The following CLMP variants were observed in gnomAD, a reference collection of about 807,000 sequenced individuals.
The protein encoded by CLMP is CXADR like cell adhesion molecule.
In CLMP, 27 loss-of-function variants were observed where a neutral mutation model predicts 45.2. The observed-to-expected ratio is 0.60, with a 90% CI of 0.44 to 0.82. The LOEUF (loss-of-function observed/expected upper bound fraction) is 0.82. Among genes scored for constraint, CLMP ranks in the 40% least tolerant of loss-of-function variants. CLMP has a pLI of 0.00. For synonymous variants in CLMP, 167 were observed against 171.4 expected, an observed-to-expected ratio of 0.97 and a Z score of 0.20; for missense variants, 403 against 448.4, an observed-to-expected ratio of 0.90 and a Z score of 0.91.
chr11:123,184,133 C>A (rs1861803429), intron 1 of CLMP, among the ~76,000 whole-genome samples: 1 of 152,184 alleles, frequency 6.6e-6, no homozygotes, highest in East Asian at 1.9e-4. Flanking sequence ...TTCGCTTTGT[C>A]GCCCAGGCTG....
chr11:123,134,433 TAAG>T (rs2135511265), intron 1 of CLMP, among the ~76,000 whole-genome samples: 1 of 152,202 alleles, frequency 6.6e-6, no homozygotes, highest in African/African-American at 2.4e-5. Flanking sequence ...AATAGCATAC[TAAG>T]AAGATTAAAA....
chr11:123,191,650 C>T (rs1861909571), intron 1 of CLMP: 2 of 152,212 alleles, frequency 1.3e-5, no homozygotes, highest in Admixed American at 6.5e-5. Flanking sequence ...GACAAGGAAG[C>T]TCAAAGCAAG....
Position 123,083,842 on chromosome 11 carries a change from G to T in CLMP, c.394C>A (p.Pro132Thr). 6.2e-7 allele frequency: 1 copy of T among 1,612,746 alleles called. No homozygotes were observed. Among genetic ancestry groups the T allele is most frequent in the East Asian group, 2.2e-5 (1 of 44,868 alleles). The change falls in exon 4 of 7, where the codon CCA becomes ACA. Residue 132 changes from proline (P) to threonine (T), a missense_variant. Physicochemically the swap from Pro to Thr is conservative, Grantham distance 38 (BLOSUM62 -1). Transcript: ENST00000448775. ...SHVILKVLVR[P>T]SKPKCELEGE... ...TCCAACTCACACTTGGGCTTGGATG[G>T]TCTCACTGGCAACAGCAACAACAAG...
At chr11:123,128,599 G>T (rs1292118878) in intron 1 of CLMP, among the ~76,000 whole-genome samples, 1 of 152,184 alleles carries the variant, frequency 6.6e-6, no homozygotes, top group African/African-American at 2.4e-5. Context: ...GGTAGAGGCT[G>T]CAGTGAGCTA....
At chr11:123,151,308 C>T (rs1014974417) in intron 1 of CLMP, among the ~76,000 whole-genome samples, 2 of 152,206 alleles carry the variant, frequency 1.3e-5, no homozygotes, top group Non-Finnish European at 2.9e-5. Flanking sequence ...ATGGCTGTCA[C>T]CTGAAGTGAC....
At chr11:123,167,716 C>T (rs1038186639) in intron 1 of CLMP, among the ~76,000 whole-genome samples, 36 of 152,296 alleles carry the variant, frequency 2.4e-4, no homozygotes, top group African/African-American at 7.9e-4. Context: ...GCTCTGAATA[C>T]GTCACCTCCT....
chr11:123,076,991 C>CTTTTTTTTTTTTTT (rs869224079), intron 5 of CLMP, among the ~76,000 whole-genome samples: 4 of 99,672 alleles, frequency 4.0e-5, no homozygotes, highest in Non-Finnish European at 7.8e-5. Context: ...GCTATTTATT[C>CTTTTTTTTTTTTTT]TTTTTTTTTT....
intron 2 of CLMP, among the ~76,000 whole-genome samples, chr11:123,090,660 G>A (rs1865920870): frequency 6.6e-6 from 1 of 152,058 alleles, no homozygotes; most frequent in South Asian, 2.1e-4. Flanking sequence ...TATTAGCCTG[G>A]TTCTGGGTTC....
chr11:123,134,497 G>C lies in CLMP; in HGVS notation c.29-36545C>G, dbSNP rs538632798. On this transcript the variant is annotated intron_variant, in intron 1 of 6. Transcript: ENST00000448775. ...GGAGCCATTGGGGTTTTTAAGCAAG[G>C]GCATTTCATGTTCAAATTTGCACTC... Among the ~76,000 whole-genome samples the C allele has an allele frequency of 2.0e-5, 3 of 151,294 alleles. No homozygotes were observed. The South Asian group carries it at 6.3e-4, about 32-fold the overall frequency.
chr11:123,163,699 G>A (rs1485566432), intron 1 of CLMP, among the ~76,000 whole-genome samples: 1 of 152,234 alleles, frequency 6.6e-6, no homozygotes, highest in Non-Finnish European at 1.5e-5. Context: ...GGGAACAGGA[G>A]AGGGAGAAGG....
Position 123,127,634 on chromosome 11 carries a change from C to A in CLMP, c.29-29682G>T, listed in dbSNP as rs74469681. On this transcript the variant is annotated intron_variant, in intron 1 of 6. Coordinates refer to ENST00000448775, the MANE Select transcript of CLMP (RefSeq NM_024769.5). ...TTTATCAGCATTACTCCAATCCCAA[C>A]AACCCAGATAAAGATATGACATACA... 4.2e-3 allele frequency among the ~76,000 whole-genome samples: 642 copies of A among 152,248 alleles called. 3 individuals carry two copies. The highest frequency in any genetic ancestry group is 0.015 in the African/African-American group (604 of 41,556).
At chr11:123,191,814 T>C (rs1327522766) in intron 1 of CLMP, among the ~76,000 whole-genome samples, 1 of 152,238 alleles carries the variant, frequency 6.6e-6, no homozygotes, top group East Asian at 1.9e-4. Context: ...TTATGCAAGG[T>C]ACTGAACATG....
chr11:123,191,447 A>C (rs1407589490), intron 1 of CLMP: 1 of 152,228 alleles, frequency 6.6e-6, no homozygotes, highest in Non-Finnish European at 1.5e-5. Context: ...CCTTCTTCAA[A>C]CTCACTTTCT....
chr11:123,118,230 A>G (rs1860742777), intron 1 of CLMP, among the ~76,000 whole-genome samples: 1 of 152,086 alleles, frequency 6.6e-6, no homozygotes, highest in African/African-American at 2.4e-5. Context: ...CCGGAGTTCA[A>G]GCGATTCTCC....
intron 1 of CLMP, among the ~76,000 whole-genome samples, chr11:123,186,996 C>A (rs1004118744): frequency 6.6e-6 from 1 of 152,202 alleles, no homozygotes; most frequent in Non-Finnish European, 1.5e-5. Context: ...GACCCTCCCC[C>A]AGAAAGGAAA....
At chr11:123,084,777 G>A (rs1396399259) in intron 2 of CLMP, 64 bp from the exon 3 acceptor site, 2 of 1,433,540 alleles carry the variant, frequency 1.4e-6, no homozygotes, top group East Asian at 4.6e-5. Flanking sequence ...CTGATGGTGT[G>A]AAGAAGAGGA....
intron 1 of CLMP, among the ~76,000 whole-genome samples, chr11:123,141,777 A>T (rs1048846078): frequency 6.6e-6 from 1 of 152,140 alleles, no homozygotes; most frequent in African/African-American, 2.4e-5. Flanking sequence ...AATAATGTTT[A>T]TGAAGTGGCT....
intron 1 of CLMP, among the ~76,000 whole-genome samples, chr11:123,134,677 G>A (rs1215699288): frequency 6.6e-6 from 1 of 151,758 alleles, no homozygotes; most frequent in Admixed American, 6.6e-5. Flanking sequence ...GCATGGTAGT[G>A]CATGCTTGTA....
chr11:123,102,280 T>G (rs1860455012), intron 1 of CLMP, among the ~76,000 whole-genome samples: 1 of 71,490 alleles, frequency 1.4e-5, no homozygotes. Context: ...TCTTTCCAGG[T>G]TTTTTTTTTT....
Sources: gnomAD v4.1 joint callset for allele counts (sites outside exome capture counted in the v4.1 genomes callset) on GRCh38, gnomAD v4.1.1 for gene constraint, MANE v1.5 for transcripts, NCBI Gene and HGNC (gene_info 2026-07-23, HGNC 2026-07-21) for gene names.